Variants in DNAH10 observed in about 807,000 individuals in gnomAD.
DNAH10 encodes dynein axonemal heavy chain 10, also known as axonemal beta dynein heavy chain 10.
In DNAH10, 348 loss-of-function variants were observed where a neutral mutation model predicts 506.6. The observed-to-expected ratio is 0.69, with a 90% CI of 0.63 to 0.75. The LOEUF is 0.75. Among genes scored for constraint, DNAH10 ranks in the 30% least tolerant of loss-of-function variants. DNAH10 has a pLI of 0.00. For synonymous variants in DNAH10, 2,059 were observed against 2,198.6 expected (o/e 0.94, Z 1.78); for missense variants, 5,179 against 5,787.1 (o/e 0.89, Z 3.41).
intron 24 of DNAH10, among the ~76,000 whole-genome samples, chr12:123,824,578 T>A (rs747483097): frequency 3.9e-5 from 6 of 152,132 alleles, no homozygotes; most frequent in Non-Finnish European, 8.8e-5. Flanking sequence ...GAAATGTATC[T>A]CCTCACGGTT....
Position 123,813,529 on chromosome 12 carries a change from G to C in DNAH10, c.3510G>C (p.Arg1170Ser). Residue 1170 changes from arginine (R) to serine (S), a missense_variant, in exon 20 of 79, where the codon AGG (arginine) becomes AGC (serine). Physicochemically the swap from Arg to Ser is moderately radical, Grantham distance 110. Coordinates refer to ENST00000673944, the MANE Select transcript of DNAH10 (RefSeq NM_001372106.1). ...KDEHCIRLQL[R>S]HLANTVQENA... ...AGCATTGCATCAGACTTCAGCTCAG[G>C]CATCTGGCAAACACAGTGCAGGAAA... 4 of 1,614,182 alleles carry C rather than the reference G, an allele frequency of 2.5e-6. No homozygotes were observed. The highest frequency in any genetic ancestry group is 1.1e-5 in the South Asian group (1 of 91,084).
chr12:123,909,677 G>A lies in DNAH10; in HGVS notation c.9997+235G>A, dbSNP rs958885564. On this transcript the variant is annotated intron_variant, in intron 58 of 78. Coordinates refer to ENST00000673944, the MANE Select transcript of DNAH10 (RefSeq NM_001372106.1). The surrounding 1 kb of genome is among the most constrained non-coding windows in gnomAD (Gnocchi z 5.4). The stretch of plus-strand genomic sequence containing the variant: ...CGGCAGCCGTGCCCACTGAGGGTTC[G>A]ATTCGGCACTAGTCCTAGCTCTCCG... Among the ~76,000 whole-genome samples the A allele has an allele frequency of 2.0e-5, 3 of 152,226 alleles. No individual in the cohort carries two copies. Among genetic ancestry groups the A allele is most frequent in the Admixed American group, 6.5e-5 (1 of 15,286 alleles).
intron 45 of DNAH10, among the ~76,000 whole-genome samples, chr12:123,872,617 G>A (rs1233106751): frequency 4.0e-5 from 6 of 150,432 alleles, no homozygotes; most frequent in Non-Finnish European, 5.9e-5. Flanking sequence ...TCCCCAGACC[G>A]GCAGCCTTGG....
At chr12:123,923,918 C>A in intron 66 of DNAH10, 51 bp downstream of exon 66, 3 of 1,338,232 alleles carry the variant, frequency 2.2e-6, no homozygotes, top group African/African-American at 1.5e-5. Flanking sequence ...CCACATGATA[C>A]ATGTATATAA....
At chr12:123,834,679 C>T (rs758386298) in intron 27 of DNAH10, among the ~76,000 whole-genome samples, 1 of 152,208 alleles carries the variant, frequency 6.6e-6, no homozygotes, top group Non-Finnish European at 1.5e-5. Context: ...TCATTCCCTA[C>T]CATCTCCTCC....
At chr12:123,793,214 G>T (rs914295553) in intron 11 of DNAH10, among the ~76,000 whole-genome samples, 1 of 152,106 alleles carries the variant, frequency 6.6e-6, no homozygotes, top group Non-Finnish European at 1.5e-5. Flanking sequence ...CATGCACACT[G>T]ACTCCCTTCC....
Position 123,928,745 on chromosome 12 carries a change from C to A in DNAH10, c.12306+158C>A. On this transcript the variant is annotated intron_variant, in intron 70 of 78. Transcript: ENST00000673944. This position sits in a 1 kb window ranked among gnomAD's most constrained non-coding sequence, Gnocchi z 4.9. Reference sequence around the variant, plus strand: ...AAACCCTTCTCAATCCCACCTCTCTCTTTAGAGGGAGCCGCTGTCCTGGGT... The same window carrying A: ...AAACCCTTCTCAATCCCACCTCTCTATTTAGAGGGAGCCGCTGTCCTGGGT... 1 of 829,976 alleles carries A rather than the reference C, an allele frequency of 1.2e-6. No individual in the cohort carries two copies. Among genetic ancestry groups the A allele is most frequent in the South Asian group, 1.8e-5 (1 of 55,016 alleles). The allele number at this position is 829,976 out of a possible 1,614,324, so 51.4% of individuals were successfully genotyped here. A position where few individuals can be genotyped will look rare whatever the true frequency, so the allele number is the denominator to read the frequency against.
intron 11 of DNAH10, among the ~76,000 whole-genome samples, chr12:123,792,336 T>A (rs1267132973): frequency 6.6e-6 from 1 of 152,142 alleles, no homozygotes; most frequent in Non-Finnish European, 1.5e-5. Context: ...CACATACCTA[T>A]CAACAATAGC....
chr12:123,854,627 C>G (rs921511902), intron 36 of DNAH10, among the ~76,000 whole-genome samples: 3 of 152,220 alleles, frequency 2.0e-5, no homozygotes, highest in Non-Finnish European at 4.4e-5. Flanking sequence ...GAAAATCCCT[C>G]TTCTCATCCA....
chr12:123,910,968 G>T (rs1243055423), intron 59 of DNAH10, among the ~76,000 whole-genome samples: 2 of 152,056 alleles, frequency 1.3e-5, no homozygotes, highest in East Asian at 3.9e-4. Flanking sequence ...CACTTTGGAA[G>T]GCCCAGATGG....
chr12:123,819,850 A>G (rs1594108255), intron 23 of DNAH10, among the ~76,000 whole-genome samples: 1 of 151,932 alleles, frequency 6.6e-6, no homozygotes, highest in South Asian at 2.1e-4. Flanking sequence ...GACTACAGGC[A>G]CATGCCACCA....
In DNAH10 at chr12:123,826,875, G is replaced by A. The variant is rs1960051790; in HGVS notation, c.4368G>A (p.Leu1456=). 6.2e-7 allele frequency: 1 copy of A among 1,612,874 alleles called. No individual in the cohort carries two copies. The highest frequency in any genetic ancestry group is 1.1e-5 in the South Asian group (1 of 90,978). ...ACTCGATTCCTTTACTTCTTGACTTGAAAAACGAGGCACTAAGAGACAGGT... is the reference window on the plus strand; with the variant it reads ...ACTCGATTCCTTTACTTCTTGACTTAAAAAACGAGGCACTAAGAGACAGGT... The part of the protein sequence containing the change: ...FKDSIPLLLD[L]KNEALRDRHW... Residue 1456 remains leucine (L), a synonymous_variant, in exon 25 of 79, where the codon TTG becomes TTA. Transcript: ENST00000673944.
chr12:123,910,686 G>A lies in DNAH10; in HGVS notation c.10134+14G>A, dbSNP rs1197334118. 10 of 1,609,416 alleles carry A rather than the reference G, an allele frequency of 6.2e-6. No individual in the cohort carries two copies. In the South Asian group the frequency reaches 7.7e-5, roughly 12 times the overall value. The stretch of plus-strand genomic sequence containing the variant: ...AAAAGAGAGAAGGTATTGCCCGAAT[G>A]TAAGACTGCCACACCACTGCCAAGG... On this transcript the variant is annotated intron_variant, in intron 59 of 78. Coordinates refer to ENST00000673944, the MANE Select transcript of DNAH10 (RefSeq NM_001372106.1).
At position 123,929,698 on chromosome 12, in the gene DNAH10, A is replaced by T. The variant is rs1484040115; in HGVS notation, c.12551A>T (p.Lys4184Ile). Reference sequence around the variant, plus strand: ...GAAATTCTGAACACGTACTTAACGAAAGCCTTCCAGCAACGGGACCCAAGG... The same window carrying T: ...GAAATTCTGAACACGTACTTAACGATAGCCTTCCAGCAACGGGACCCAAGG... ...CMEILNTYLT[K>I]AFQQRDPRIP... Residue 4184 changes from lysine to isoleucine, a missense_variant, in exon 72 of 79, where the codon AAA becomes ATA. Transcript: ENST00000673944. 3 of 1,613,680 alleles carry T rather than the reference A, an allele frequency of 1.9e-6. No individual in the cohort carries two copies. Among genetic ancestry groups the T allele is most frequent in the Non-Finnish European group, 2.5e-6 (3 of 1,179,780 alleles).
In DNAH10 at chr12:123,928,421, G is replaced by A. The variant is rs550426140; in HGVS notation, c.12140G>A (p.Arg4047Gln). 22 of 1,605,778 alleles carry A rather than the reference G, an allele frequency of 1.4e-5. No individual in the cohort carries two copies. Among genetic ancestry groups the A allele is most frequent in the South Asian group, 1.1e-4 (10 of 89,526 alleles). Residue 4047 changes from arginine to glutamine, a missense_variant, in exon 70 of 79, where the codon CGG (arginine) becomes CAG (glutamine). Physicochemically the swap from Arg to Gln is conservative, Grantham distance 43. Around this residue, in one of 3 missense-constraint regions of DNAH10, gnomAD observed 4,844 missense variants for 5,430.5 expected, o/e 0.89. Transcript: ENST00000673944. The surrounding 1 kb of genome is among the most constrained non-coding windows in gnomAD (Gnocchi z 4.9). ...CAGCTGCTGGAGACGGCGGTGGCTCGGGGGCAGTGGCTGATGCTGCAGAAC... is the reference window on the plus strand; with the variant it reads ...CAGCTGCTGGAGACGGCGGTGGCTCAGGGGCAGTGGCTGATGCTGCAGAAC... ...ALQLLETAVARGQWLMLQNCH... is the reference protein window; with the variant it reads ...ALQLLETAVAQGQWLMLQNCH...
Position 123,833,215 on chromosome 12 carries a change from C to T in DNAH10, c.4647C>T (p.Asp1549=), listed in dbSNP as rs145181898. ...GAGGCTACATCCTGGGTTCTGTTGACGAAATTATTCAGTCTCTTGATGACA... is the reference window on the plus strand; with the variant it reads ...GAGGCTACATCCTGGGTTCTGTTGATGAAATTATTCAGTCTCTTGATGACA... ...QERGYILGSV[D]EIIQSLDDNT... is the part of the protein sequence containing the mutation. Residue 1549 remains aspartate, a synonymous_variant, in exon 27 of 79, where the codon GAC becomes GAT. Coordinates refer to ENST00000673944, the MANE Select transcript of DNAH10 (RefSeq NM_001372106.1). 24 of 1,613,828 alleles carry T rather than the reference C, an allele frequency of 1.5e-5. No individual in the cohort carries two copies. In the East Asian group the frequency reaches 1.8e-4, roughly 12 times the overall value.
chr12:123,910,649 G>A lies in DNAH10; in HGVS notation c.10111G>A (p.Glu3371Lys). ...AVMGYCDVFREIKPKREKVAR... is the reference protein window; with the variant it reads ...AVMGYCDVFRKIKPKREKVAR... Reference sequence around the variant, plus strand: ...AATGGGCTACTGTGATGTTTTCAGAGAAATCAAGCCCAAAAGAGAGAAGGT... The same window carrying A: ...AATGGGCTACTGTGATGTTTTCAGAAAAATCAAGCCCAAAAGAGAGAAGGT... The change falls in exon 59 of 79, where the codon GAA (glutamate) becomes AAA (lysine). Residue 3371 changes from glutamate (E) to lysine (K), a missense_variant. Around this residue, in one of 3 missense-constraint regions of DNAH10, gnomAD observed 4,844 missense variants for 5,430.5 expected, o/e 0.89. Coordinates refer to ENST00000673944, the MANE Select transcript of DNAH10 (RefSeq NM_001372106.1). 1 of 1,611,242 alleles carries A rather than the reference G, an allele frequency of 6.2e-7. No individual in the cohort carries two copies. Among genetic ancestry groups the A allele is most frequent in the South Asian group, 1.1e-5 (1 of 91,034 alleles).
In DNAH10 at chr12:123,808,906, G is replaced by C; in HGVS notation, c.3097G>C (p.Asp1033His). 6.2e-7 allele frequency: 1 copy of C among 1,614,112 alleles called. No individual in the cohort carries two copies. The highest frequency in any genetic ancestry group is 1.1e-5 in the South Asian group (1 of 91,080). ...CCTTCATCCCAACACAAATGAGATCGACAAGATGTGCTTCCATTGTGTCCG... is the reference window on the plus strand; with the variant it reads ...CCTTCATCCCAACACAAATGAGATCCACAAGATGTGCTTCCATTGTGTCCG... ...IILHPNTNEI[D>H]KMCFHCVRNC... is the part of the protein sequence containing the mutation. The change falls in exon 19 of 79, where the codon GAC (aspartate) becomes CAC (histidine). Residue 1033 changes from aspartate to histidine, a missense_variant. Coordinates refer to ENST00000673944, the MANE Select transcript of DNAH10 (RefSeq NM_001372106.1).
intron 24 of DNAH10, among the ~76,000 whole-genome samples, chr12:123,821,285 G>A (rs996093867): frequency 2.0e-5 from 3 of 152,024 alleles, no homozygotes; most frequent in Non-Finnish European, 4.4e-5. Flanking sequence ...AGATAGTGGC[G>A]CTGGCTGTGT....
Sources: gnomAD v4.1 joint callset for allele counts (sites outside exome capture counted in the v4.1 genomes callset) on GRCh38, gnomAD v4.1.1 for gene constraint, gnomAD v4.1.1 regional missense constraint, Gnocchi (gnomAD v3.1) non-coding constraint, MANE v1.5 for transcripts, NCBI Gene and HGNC (gene_info 2026-07-23, HGNC 2026-07-21) for gene names.